The following PRKAR2A variants were observed in gnomAD, a reference collection of about 807,000 sequenced individuals.
PRKAR2A encodes the protein protein kinase cAMP-dependent type II regulatory subunit alpha.
Under a neutral mutation model 51.9 loss-of-function variants are expected in PRKAR2A, and 29 were observed. That is an observed-to-expected ratio of 0.56 (90% CI 0.42 to 0.76). PRKAR2A has a LOEUF of 0.76. Among genes scored for constraint, PRKAR2A ranks in the 30% least tolerant of loss-of-function variants. The pLI is 0.00. For missense variants in PRKAR2A, 445 were observed against 512.1 expected, an observed-to-expected ratio of 0.87 and a Z score of 1.26; for synonymous variants, 178 against 186.2, an observed-to-expected ratio of 0.96 and a Z score of 0.36.
At chr3:48,812,304 G>T (rs530778462) in intron 1 of PRKAR2A, among the ~76,000 whole-genome samples, 1 of 151,854 alleles carries the variant, frequency 6.6e-6, no homozygotes, top group Non-Finnish European at 1.5e-5. Flanking sequence ...ATTAGGGAGG[G>T]AGCAAAACAA....
At chr3:48,751,819 C>CCA in intron 10 of PRKAR2A, 101 bp from the exon 11 acceptor site, 1 of 1,355,718 alleles carries the variant, frequency 7.4e-7, no homozygotes, top group Admixed American at 2.4e-5. Context: ...TGAGATTACG[C>CCA]CTTGGGACAC....
intron 2 of PRKAR2A, among the ~76,000 whole-genome samples, chr3:48,794,934 C>G (rs2082465889): frequency 6.6e-6 from 1 of 150,842 alleles, no homozygotes; most frequent in African/African-American, 2.4e-5. Context: ...TAGAAAGAAA[C>G]AGGAAAGAAG....
At chr3:48,817,526 G>A (rs1031401891) in intron 1 of PRKAR2A, among the ~76,000 whole-genome samples, 19 of 149,240 alleles carry the variant, frequency 1.3e-4, no homozygotes, top group African/African-American at 4.4e-4. Context: ...TTTGGCGGGC[G>A]CCTGTAATCC....
At chr3:48,786,307 T>C (rs1417775690) in intron 4 of PRKAR2A, among the ~76,000 whole-genome samples, 1 of 150,632 alleles carries the variant, frequency 6.6e-6, no homozygotes, top group Non-Finnish European at 1.5e-5. Flanking sequence ...GTATTTTTAG[T>C]AGAGAGGAGG....
intron 8 of PRKAR2A, among the ~76,000 whole-genome samples, chr3:48,760,417 C>A (rs184286918): frequency 6.6e-6 from 1 of 151,956 alleles, no homozygotes; most frequent in Non-Finnish European, 1.5e-5. Context: ...TGGCACAAGC[C>A]TGTAATCTTA....
intron 1 of PRKAR2A, among the ~76,000 whole-genome samples, chr3:48,836,131 A>C (rs1479461653): frequency 6.6e-6 from 1 of 152,092 alleles, no homozygotes; most frequent in African/African-American, 2.4e-5. Flanking sequence ...AAAAGAATAA[A>C]GTACTCGGCC....
chr3:48,802,667 C>T (rs1373146434), intron 2 of PRKAR2A, among the ~76,000 whole-genome samples: 1 of 152,148 alleles, frequency 6.6e-6, no homozygotes, highest in Non-Finnish European at 1.5e-5. Flanking sequence ...CACACCACTG[C>T]ACTCCAGCCT....
chr3:48,819,007 C>T (rs1422069222), intron 1 of PRKAR2A, among the ~76,000 whole-genome samples: 4 of 146,326 alleles, frequency 2.7e-5, no homozygotes, highest in African/African-American at 1.0e-4. Context: ...TGTTCAAACA[C>T]TTTTTTTTTT....
In PRKAR2A at chr3:48,748,052, A is replaced by C. The variant is rs2081586536; in HGVS notation, c.*3533T>G. ...TCCCTTCCTCAAGCTATTAAATAGA[A>C]CCCTCTAGGGATCCTGTATGCAGTG... On this transcript the variant is annotated 3_prime_UTR_variant, in exon 11 of 11. Transcript: ENST00000265563. 6.6e-6 allele frequency: 1 copy of C among 151,780 alleles called. No individual in the cohort carries two copies. The highest frequency in any genetic ancestry group is 1.5e-5 in the Non-Finnish European group (1 of 68,004). The allele number at this position is 151,780 out of a possible 1,614,324, so 9.4% of individuals were successfully genotyped here. A position where few individuals can be genotyped will look rare whatever the true frequency, so the allele number is the denominator to read the frequency against.
At chr3:48,828,573 C>A (rs2083108870) in intron 1 of PRKAR2A, among the ~76,000 whole-genome samples, 2 of 151,596 alleles carry the variant, frequency 1.3e-5, no homozygotes, top group African/African-American at 4.8e-5. Context: ...TAGAAAAAAA[C>A]TAGCTAAGTG....
chr3:48,821,490 A>C (rs2082959615), intron 1 of PRKAR2A, among the ~76,000 whole-genome samples: 2 of 152,234 alleles, frequency 1.3e-5, no homozygotes, highest in South Asian at 4.2e-4. Flanking sequence ...TGAGTTCTTG[A>C]GAGATATGAG....
intron 5 of PRKAR2A, among the ~76,000 whole-genome samples, chr3:48,773,873 A>G (rs2082067061): frequency 6.6e-6 from 1 of 151,988 alleles, no homozygotes; most frequent in African/African-American, 2.4e-5. Context: ...GTGCAGAGGC[A>G]CAATCATGGC....
At chr3:48,840,724 C>T (rs1378400284) in intron 1 of PRKAR2A, among the ~76,000 whole-genome samples, 1 of 135,222 alleles carries the variant, frequency 7.4e-6, no homozygotes, top group Non-Finnish European at 1.6e-5. Context: ...CTACAGGCAC[C>T]CGCCACCACG....
At chr3:48,767,223 A>C (rs1014848064) in intron 6 of PRKAR2A, among the ~76,000 whole-genome samples, 6 of 152,220 alleles carry the variant, frequency 3.9e-5, no homozygotes, top group Admixed American at 3.9e-4. Context: ...TCACGCCTGT[A>C]ATCCCAGAAC....
chr3:48,773,339 C>CTTTTT (rs34140561), intron 5 of PRKAR2A, among the ~76,000 whole-genome samples: 2,376 of 87,668 alleles, frequency 0.027, 2 homozygotes, highest in Middle Eastern at 0.039. Flanking sequence ...ATTTTCTTTT[C>CTTTTT]TTTTTTTTTT....
chr3:48,784,585 C>G (rs1485291618), intron 4 of PRKAR2A, among the ~76,000 whole-genome samples: 1 of 152,184 alleles, frequency 6.6e-6, no homozygotes, highest in Non-Finnish European at 1.5e-5. Flanking sequence ...GCCGCTTGTT[C>G]TGAGTCACTT....
chr3:48,757,998 G>A (rs2081799115), intron 8 of PRKAR2A, among the ~76,000 whole-genome samples: 1 of 152,172 alleles, frequency 6.6e-6, no homozygotes, highest in African/African-American at 2.4e-5. Context: ...AGAGGTTGCA[G>A]TGAGCCGAGA....
rs747845378 is a variant in PRKAR2A at position 48,751,632 on chromosome 3, C to T, written c.1168G>A (p.Val390Met). Residue 390 changes from valine (V) to methionine (M), a missense_variant, in exon 11 of 11, where the codon GTG (valine) becomes ATG (methionine). Transcript: ENST00000265563. The stretch of plus-strand genomic sequence containing the variant: ...TCCACGCTGGAGCCAAACATCTTCA[C>T]CAGCTGTTCCTCATAGTGTGAGATG... ...RNISHYEEQL[V>M]KMFGSSVDLG... 63 of 1,613,770 alleles carry T rather than the reference C, an allele frequency of 3.9e-5. No homozygotes were observed. The highest frequency in any genetic ancestry group is 2.5e-4 in the Admixed American group (15 of 59,980).
intron 4 of PRKAR2A, among the ~76,000 whole-genome samples, chr3:48,787,907 T>A (rs189643078): frequency 3.2e-4 from 49 of 152,350 alleles, no homozygotes; most frequent in East Asian, 1.5e-3. Context: ...GCCTTTTTGG[T>A]AGGAGCTGGG....
Sources: allele counts gnomAD v4.1 joint callset (sites outside exome capture counted in the v4.1 genomes callset), GRCh38; gene constraint gnomAD v4.1.1; transcripts MANE v1.5; gene names NCBI Gene and HGNC (gene_info 2026-07-23, HGNC 2026-07-21).